ROCK2: variants seen among roughly 807,000 people sequenced by gnomAD.
The protein encoded by ROCK2 is Rho associated coiled-coil containing protein kinase 2.
ROCK2 carries 61 observed loss-of-function variants against 195.1 expected under a neutral mutation model. The observed-to-expected ratio is 0.31, with a 90% CI of 0.25 to 0.39. The LOEUF is 0.39. Among genes scored for constraint, ROCK2 ranks in the 10% least tolerant of loss-of-function variants. The probability of loss-of-function intolerance (pLI) is 1.00; values close to 1 mark genes in which losing one functional copy is unlikely to be tolerated. For synonymous variants in ROCK2, 504 were observed against 545.5 expected (o/e 0.92, Z 1.06); for missense variants, 1,109 against 1,637.4 (o/e 0.68, Z 5.57).
At chr2:11,257,453 C>T (rs1666076139) in intron 3 of ROCK2, among the ~76,000 whole-genome samples, 1 of 151,540 alleles carries the variant, frequency 6.6e-6, no homozygotes, top group Non-Finnish European at 1.5e-5. Context: ...TCAGACTGTA[C>T]TTTGTTGTTT....
intron 1 of ROCK2, among the ~76,000 whole-genome samples, chr2:11,305,402 T>C (rs1274818821): frequency 2.7e-5 from 4 of 150,672 alleles, no homozygotes; most frequent in Non-Finnish European, 5.9e-5. Flanking sequence ...AAAATAAAGA[T>C]GGATATAGAA....
At chr2:11,314,590 A>G (rs1168075795) in intron 1 of ROCK2, among the ~76,000 whole-genome samples, 1 of 152,026 alleles carries the variant, frequency 6.6e-6, no homozygotes, top group East Asian at 1.9e-4. Context: ...TGCTTTTCAT[A>G]GTTCCTTTTA....
At chr2:11,183,543 C>A in intron 32 of ROCK2, 103 bp from the exon 33 acceptor site, 1 of 747,036 alleles carries the variant, frequency 1.3e-6, no homozygotes. Context: ...ACTATATAGT[C>A]TTCCAGCTAC....
At chr2:11,332,073 T>C (rs938772684) in intron 1 of ROCK2, among the ~76,000 whole-genome samples, 7 of 151,788 alleles carry the variant, frequency 4.6e-5, no homozygotes, top group African/African-American at 1.7e-4. Context: ...AGTCCAGGAG[T>C]TCTAGGCTGC....
At chr2:11,325,674 T>G (rs1429453278) in intron 1 of ROCK2, among the ~76,000 whole-genome samples, 1 of 152,222 alleles carries the variant, frequency 6.6e-6, no homozygotes, top group African/African-American at 2.4e-5. Flanking sequence ...TTTCTCTGAA[T>G]GAATGGGAAA....
intron 3 of ROCK2, among the ~76,000 whole-genome samples, chr2:11,254,367 A>G (rs1665942030): frequency 6.6e-6 from 1 of 152,180 alleles, no homozygotes; most frequent in South Asian, 2.1e-4. Flanking sequence ...TGAGTTGAGG[A>G]GGCAGAGATC....
chr2:11,317,613 T>TATATATATATATATATATA (rs1553317465), intron 1 of ROCK2, among the ~76,000 whole-genome samples: 24 of 20,290 alleles, frequency 1.2e-3, no homozygotes, highest in Non-Finnish European at 1.6e-3. Context: ...TATATATATA[T>TATATATATATATATATATA]TTTTTTTTTT....
At chr2:11,344,885 TG>T (rs1481441566), upstream of ROCK2, among the ~76,000 whole-genome samples, 1 of 150,432 alleles carries the variant, frequency 6.6e-6, no homozygotes, top group African/African-American at 2.4e-5. The surrounding 1 kb of genome is among the most constrained non-coding windows in gnomAD (Gnocchi z 5.4). Flanking sequence ...GAGCTCCTGC[TG>T]GGGGAGGGGA....
chr2:11,289,368 T>C (rs1406936535), intron 1 of ROCK2, among the ~76,000 whole-genome samples: 1 of 152,174 alleles, frequency 6.6e-6, no homozygotes, highest in Non-Finnish European at 1.5e-5. Flanking sequence ...TGTATCTTTA[T>C]TAGTATAATT....
intron 1 of ROCK2, among the ~76,000 whole-genome samples, chr2:11,311,873 G>A (rs1162058521): frequency 6.6e-6 from 1 of 152,196 alleles, no homozygotes; most frequent in Non-Finnish European, 1.5e-5. Flanking sequence ...GATTTCAACA[G>A]AGAACTTGAA....
chr2:11,313,360 A>C (rs978458294), intron 1 of ROCK2, among the ~76,000 whole-genome samples: 1 of 152,052 alleles, frequency 6.6e-6, no homozygotes, highest in African/African-American at 2.4e-5. Flanking sequence ...AAATGGGACA[A>C]ATTTACACTC....
chr2:11,246,639 C>T (rs923488879), intron 4 of ROCK2, among the ~76,000 whole-genome samples: 5 of 152,064 alleles, frequency 3.3e-5, no homozygotes, highest in African/African-American at 1.2e-4. Flanking sequence ...CTAAGAAATA[C>T]AGATAGGCCC....
At chr2:11,216,380 T>C (rs1203785641) in intron 12 of ROCK2, among the ~76,000 whole-genome samples, 174 bp from the exon 13 acceptor site, 1 of 151,448 alleles carries the variant, frequency 6.6e-6, no homozygotes, top group East Asian at 1.9e-4. Flanking sequence ...CTCACTACAA[T>C]GCCTGCCTCC....
At position 11,201,026 on chromosome 2, in the gene ROCK2, C is replaced by A. The variant is rs778962436; in HGVS notation, c.2841G>T (p.Glu947Asp). Residue 947 changes from glutamate to aspartate, a missense_variant, in exon 23 of 33, where the codon GAG becomes GAT. Glu to Asp is a conservative substitution (Grantham distance 45). Around this residue, in one of 6 missense-constraint regions of ROCK2, gnomAD observed 542 missense variants for 672.0 expected, o/e 0.81. Coordinates refer to ENST00000315872, the MANE Select transcript of ROCK2 (RefSeq NM_004850.5). The surrounding 1 kb of genome is among the most constrained non-coding windows in gnomAD (Gnocchi z 4.6). ...TAGCCATCATCTCTTTGATCTCCAG[C>A]TCTTTCATGATCTTCTCTTTTTCCA... ...SDLEKEKIMKELEIKEMMARH... is the reference protein window; with the variant it reads ...SDLEKEKIMKDLEIKEMMARH... 6.2e-7 allele frequency: 1 copy of A among 1,613,580 alleles called. No homozygotes were observed. The highest frequency in any genetic ancestry group is 1.1e-5 in the South Asian group (1 of 90,842).
chr2:11,200,330 TAG>T (rs1663807290), intron 23 of ROCK2, among the ~76,000 whole-genome samples: 1 of 152,236 alleles, frequency 6.6e-6, no homozygotes, highest in African/African-American at 2.4e-5. Context: ...TTAAGATAGC[TAG>T]AATTTACTTT....
At chr2:11,243,827 A>G (rs2148118386) in intron 4 of ROCK2, among the ~76,000 whole-genome samples, 1 of 152,306 alleles carries the variant, frequency 6.6e-6, no homozygotes, top group Non-Finnish European at 1.5e-5. Flanking sequence ...CTAAATAAAG[A>G]CTTCAGTTTA....
At chr2:11,217,339 C>T in intron 11 of ROCK2, 170 bp from the exon 12 acceptor site, 1 of 709,886 alleles carries the variant, frequency 1.4e-6, no homozygotes, top group South Asian at 1.4e-5. Flanking sequence ...AAAGGAAAAA[C>T]TCCCCCATCT....
intron 1 of ROCK2, among the ~76,000 whole-genome samples, chr2:11,330,447 A>G (rs1043672949): frequency 5.3e-5 from 8 of 152,176 alleles, no homozygotes; most frequent in Non-Finnish European, 1.2e-4. Flanking sequence ...AATCATACTA[A>G]TATTTTCATA....
At chr2:11,232,886 A>C (rs1665069665) in intron 5 of ROCK2, among the ~76,000 whole-genome samples, 1 of 152,230 alleles carries the variant, frequency 6.6e-6, no homozygotes, top group African/African-American at 2.4e-5. Flanking sequence ...ACTGACAAAT[A>C]TATGAAGAGA....
Sources: allele counts gnomAD v4.1 joint callset (sites outside exome capture counted in the v4.1 genomes callset), GRCh38; gene constraint gnomAD v4.1.1; regional missense constraint gnomAD v4.1.1; non-coding constraint Gnocchi (gnomAD v3.1); transcripts MANE v1.5; gene names NCBI Gene and HGNC (gene_info 2026-07-23, HGNC 2026-07-21).